The following BARX2 variants were observed in gnomAD, a reference collection of about 807,000 sequenced individuals.
BARX2 encodes the protein homeobox protein BarH-like 2.
BARX2 carries 11 observed loss-of-function variants against 25.5 expected under a neutral mutation model. The ratio of observed to expected loss-of-function variants is 0.43; its 90% CI spans 0.27 to 0.71. BARX2 has a LOEUF of 0.71. BARX2 is among the 30% of genes least tolerant of loss of function. The probability of loss-of-function intolerance (pLI) is 0.19; values close to 1 mark genes in which losing one functional copy is unlikely to be tolerated. For synonymous variants in BARX2, 137 were observed against 149.5 expected (o/e 0.92, Z 0.61); for missense variants, 360 against 359.9 (o/e 1.00, Z 0.00).
chr11:129,392,308 C>T (rs1449903829), intron 1 of BARX2, among the ~76,000 whole-genome samples: 2 of 152,214 alleles, frequency 1.3e-5, no homozygotes, highest in Non-Finnish European at 2.9e-5. Context: ...TGTGCACTGT[C>T]GGGCTTACCA....
rs1335307879 is a variant in BARX2, at chr11:129,436,068, C to T, written c.188-683C>T. ...TGATTTAAAATCTGTTTGCCTCCCTCTTCTGAATGATGTATCCATGTGATT... is the reference window on the plus strand; with the variant it reads ...TGATTTAAAATCTGTTTGCCTCCCTTTTCTGAATGATGTATCCATGTGATT... On this transcript the variant is annotated intron_variant, in intron 1 of 3. Coordinates refer to ENST00000281437, the MANE Select transcript of BARX2 (RefSeq NM_003658.5). This position sits in a 1 kb window ranked among gnomAD's most constrained non-coding sequence, Gnocchi z 4.5. 1.3e-5 allele frequency: 2 copies of T among 152,204 alleles called. No individual in the cohort carries two copies. Among genetic ancestry groups the T allele is most frequent in the East Asian group, 1.9e-4 (1 of 5,194 alleles). The allele number at this position is 152,204 out of a possible 1,614,324, so 9.4% of individuals were successfully genotyped here.
At chr11:129,385,425 A>G (rs575217742) in intron 1 of BARX2, among the ~76,000 whole-genome samples, 1 of 152,352 alleles carries the variant, frequency 6.6e-6, no homozygotes, top group African/African-American at 2.4e-5. Context: ...TTAAAATAAT[A>G]TATGCTATAT....
chr11:129,413,743 TTATTTC>T (rs1861913620), intron 1 of BARX2, among the ~76,000 whole-genome samples: 1 of 152,198 alleles, frequency 6.6e-6, no homozygotes, highest in East Asian at 1.9e-4. Context: ...AGAATCTTCT[TTATTTC>T]TAGAGACAGC....
At chr11:129,402,661 T>TGGG (rs1216708954) in intron 1 of BARX2, among the ~76,000 whole-genome samples, 6 of 152,226 alleles carry the variant, frequency 3.9e-5, no homozygotes, top group African/African-American at 1.4e-4. Flanking sequence ...CACTATTTTG[T>TGGG]AAATACTGGG....
At chr11:129,441,549 A>G (rs1170472023) in intron 2 of BARX2, among the ~76,000 whole-genome samples, 2 of 152,248 alleles carry the variant, frequency 1.3e-5, no homozygotes, top group East Asian at 3.9e-4. Context: ...CCCAGGTTCA[A>G]GCACTTCTCT....
intron 1 of BARX2, among the ~76,000 whole-genome samples, chr11:129,421,158 G>A (rs1043755404): frequency 4.6e-5 from 7 of 152,156 alleles, no homozygotes; most frequent in Non-Finnish European, 8.8e-5. Flanking sequence ...TTTGCGAACC[G>A]ATGTGCATTG....
upstream of BARX2, among the ~76,000 whole-genome samples, chr11:129,375,738 G>C (rs1024939308): frequency 3.9e-5 from 6 of 152,056 alleles, no homozygotes; most frequent in African/African-American, 9.7e-5. This position sits in a 1 kb window ranked among gnomAD's most constrained non-coding sequence, Gnocchi z 4.0. Flanking sequence ...GGGCGGGGGC[G>C]GGGTGGGCGC....
rs1165229842 is a variant in BARX2 at position 129,443,046 on chromosome 11, T to C, written c.573+127T>C. On this transcript the variant is annotated intron_variant, in intron 3 of 3. Transcript: ENST00000281437. ...GAGATTGGAAGGCCTTCTATGCTGC[T>C]GGCTTGCGGGGAAGCTGTTGGATCT... 1.2e-5 allele frequency: 9 copies of C among 772,022 alleles called. No individual in the cohort carries two copies. The East Asian group carries it at 2.4e-4, about 21-fold the overall frequency. The allele number at this position is 772,022 out of a possible 1,614,324, so 47.8% of individuals were successfully genotyped here. A position where few individuals can be genotyped will look rare whatever the true frequency, so the allele number is the denominator to read the frequency against.
intron 2 of BARX2, 113 bp downstream of exon 2, chr11:129,437,164 G>A: frequency 8.3e-7 from 1 of 1,203,794 alleles, no homozygotes; most frequent in Non-Finnish European, 1.1e-6. Context: ...GGACACTATG[G>A]CGGAGTCCAC....
chr11:129,451,263 T>C lies in BARX2; in HGVS notation c.701T>C (p.Leu234Pro). ...MNSQAQGQEQLEPSQGQEELC... is the reference protein window; with the variant it reads ...MNSQAQGQEQPEPSQGQEELC... ...AGCCAGGCCCAGGGTCAGGAGCAGC[T>C]GGAGCCCTCTCAGGGGCAGGAGGAG... The change falls in exon 4 of 4, where the codon CTG becomes CCG. Residue 234 changes from leucine to proline, a missense_variant. Leu to Pro is a moderately conservative substitution (Grantham distance 98). Around this residue, in one of 3 missense-constraint regions of BARX2, gnomAD observed 114 missense variants for 109.4 expected, o/e 1.04. Transcript: ENST00000281437. The C allele has an allele frequency of 6.2e-7, 1 of 1,614,162 alleles. No homozygotes were observed. The highest frequency in any genetic ancestry group is 8.5e-7 in the Non-Finnish European group (1 of 1,180,038).
chr11:129,376,206 C>T lies in BARX2; in HGVS notation c.171C>T (p.Pro57=), dbSNP rs1861502147. 4 of 1,606,410 alleles carry T rather than the reference C, an allele frequency of 2.5e-6. No individual in the cohort carries two copies. Among genetic ancestry groups the T allele is most frequent in the Non-Finnish European group, 3.4e-6 (4 of 1,176,508 alleles). The stretch of plus-strand genomic sequence containing the variant: ...CGTCGCTGGTCGTGCGACCCAAGCC[C>T]CTGCATTCCTGTACGGGTAAGACGC... ...VCPSLVVRPK[P]LHSCTGSPSL... is the part of the protein sequence containing the mutation. The change falls in exon 1 of 4, where the codon CCC becomes CCT. Residue 57 remains proline, a synonymous_variant. Transcript: ENST00000281437. The surrounding 1 kb of genome is among the most constrained non-coding windows in gnomAD (Gnocchi z 4.2).
In BARX2 at chr11:129,452,085, T is replaced by C. The variant is rs1862410132; in HGVS notation, c.*683T>C. On this transcript the variant is annotated 3_prime_UTR_variant, in exon 4 of 4. Coordinates refer to ENST00000281437, the MANE Select transcript of BARX2 (RefSeq NM_003658.5). ...TTCATTTACCCATTCATGCCTAGGGTTCCATTATTGGAACCCTAAGCTTGT... is the reference window on the plus strand; with the variant it reads ...TTCATTTACCCATTCATGCCTAGGGCTCCATTATTGGAACCCTAAGCTTGT... 6.6e-6 allele frequency: 1 copy of C among 151,196 alleles called. No homozygotes were observed. 9.4% of individuals were successfully genotyped at this position (151,196 alleles called of 1,614,324 possible).
At position 129,382,038 on chromosome 11, in the gene BARX2, C is replaced by T. The variant is rs556727019; in HGVS notation, c.187+5816C>T. ...TAAGCTCTGCACAGCATTTAGCCTT[C>T]GCTCTGGAAGACTGAGTAAATGTTA... is the stretch of plus-strand genomic sequence containing the variant. On this transcript the variant is annotated intron_variant, in intron 1 of 3. Transcript: ENST00000281437. 2.0e-4 allele frequency among the ~76,000 whole-genome samples: 31 copies of T among 152,334 alleles called. No homozygotes were observed. In the South Asian group the frequency reaches 2.3e-3, roughly 11 times the overall value.
chr11:129,438,450 CTCT>C (rs1399935371), intron 2 of BARX2: 1 of 152,162 alleles, frequency 6.6e-6, no homozygotes, highest in Non-Finnish European at 1.5e-5. Flanking sequence ...GTCCTTCTTC[CTCT>C]TCTTTTGCCT....
At position 129,436,692 on chromosome 11, in the gene BARX2, C is replaced by T; in HGVS notation, c.188-59C>T. The T allele has an allele frequency of 1.3e-6, 2 of 1,514,496 alleles. No homozygotes were observed. The highest frequency in any genetic ancestry group is 1.3e-5 in the South Asian group (1 of 77,990). 93.8% of individuals were successfully genotyped at this position (1,514,496 alleles called of 1,614,324 possible). A position where few individuals can be genotyped will look rare whatever the true frequency, so the allele number is the denominator to read the frequency against. ...CCTCAGCCAGCGGCCCTCCGCAGGT[C>T]CTGGCCTGCTTCCCCACACCGTTCC... On this transcript the variant is annotated intron_variant, in intron 1 of 3. Transcript: ENST00000281437. The surrounding 1 kb of genome is among the most constrained non-coding windows in gnomAD (Gnocchi z 4.5).
chr11:129,441,979 C>T (rs1335373267), intron 2 of BARX2, among the ~76,000 whole-genome samples: 1 of 152,162 alleles, frequency 6.6e-6, no homozygotes, highest in Non-Finnish European at 1.5e-5. Flanking sequence ...GATTTAGCCC[C>T]AGAAATGGCT....
chr11:129,406,874 T>C (rs1350128522), intron 1 of BARX2, among the ~76,000 whole-genome samples: 5 of 152,190 alleles, frequency 3.3e-5, no homozygotes, highest in African/African-American at 1.2e-4. Context: ...TTTATAGGAA[T>C]ATTTTAAAAA....
chr11:129,425,292 TTAAG>T (rs1365999542), intron 1 of BARX2, among the ~76,000 whole-genome samples: 5 of 152,196 alleles, frequency 3.3e-5, no homozygotes, highest in African/African-American at 4.8e-5. Flanking sequence ...AAGGTTTGAA[TTAAG>T]TAAGAGTGAA....
In BARX2 at chr11:129,451,186, G is replaced by A; in HGVS notation, c.624G>A (p.Lys208=). 1 of 1,614,146 alleles carries A rather than the reference G, an allele frequency of 6.2e-7. No individual in the cohort carries two copies. Among genetic ancestry groups the A allele is most frequent in the Non-Finnish European group, 8.5e-7 (1 of 1,180,024 alleles). The change falls in exon 4 of 4, where the codon AAG becomes AAA. Residue 208 remains lysine, a synonymous_variant. Transcript: ENST00000281437. Reference sequence around the variant, plus strand: ...CCACAAAACCCAAAGGTCGCCCCAAGAAGAACTCCATCCCCACATCAGAAG... The same window carrying A: ...CCACAAAACCCAAAGGTCGCCCCAAAAAGAACTCCATCCCCACATCAGAAG... ...EAPTKPKGRP[K]KNSIPTSEEI... is the part of the protein sequence containing the mutation.
Sources: gnomAD v4.1 joint callset for allele counts (sites outside exome capture counted in the v4.1 genomes callset) on GRCh38, gnomAD v4.1.1 for gene constraint, gnomAD v4.1.1 regional missense constraint, Gnocchi (gnomAD v3.1) non-coding constraint, MANE v1.5 for transcripts, NCBI Gene and HGNC (gene_info 2026-07-23, HGNC 2026-07-21) for gene names.